The following SELP variants were observed in gnomAD, a reference collection of about 807,000 sequenced individuals.
The protein encoded by SELP is selectin P.
In SELP, 92 loss-of-function variants were observed where a neutral mutation model predicts 104.1. The ratio of observed to expected loss-of-function variants is 0.88; its 90% CI spans 0.75 to 1.05. SELP has a LOEUF of 1.05. Ranked by LOEUF, SELP falls within the 50% of genes least tolerant of loss-of-function variation. SELP has a pLI of 0.00. For synonymous variants in SELP, 397 were observed against 364.5 expected, an observed-to-expected ratio of 1.09 and a Z score of -1.01; for missense variants, 1,022 against 1,017.3, an observed-to-expected ratio of 1.00 and a Z score of -0.06.
chr1:169,608,843 T>G (rs1662336223), intron 8 of SELP, among the ~76,000 whole-genome samples: 1 of 152,034 alleles, frequency 6.6e-6, no homozygotes, highest in Non-Finnish European at 1.5e-5. Context: ...TGTGAGGTAC[T>G]CCTCGTAAAA....
Position 169,613,614 on chromosome 1 carries a change from A to G in SELP, c.561T>C (p.Pro187=), listed in dbSNP as rs754918215. ...ATTCACATTCTGGCCCATAGAATCC[A>G]GGGTAACAGGAGCAGGTGTAGTTCC... ...TIGNYTCSCY[P]GFYGPECEYV... Residue 187 remains proline, a synonymous_variant, in exon 4 of 17, where the codon CCT becomes CCC. Transcript: ENST00000263686. 2 of 1,613,978 alleles carry G rather than the reference A, an allele frequency of 1.2e-6. No homozygotes were observed. Among genetic ancestry groups the G allele is most frequent in the Non-Finnish European group, 1.7e-6 (2 of 1,179,852 alleles).
chr1:169,608,395 C>T lies in SELP; in HGVS notation c.1333+1109G>A, dbSNP rs187688449. On this transcript the variant is annotated intron_variant, in intron 8 of 16. Coordinates refer to ENST00000263686, the MANE Select transcript of SELP (RefSeq NM_003005.4). ...CTTCCGCCGAGCCCTTGGCAACCTC[C>T]GTTCTACTTTCTGTCTCTATGACTT... 5.3e-5 allele frequency among the ~76,000 whole-genome samples: 8 copies of T among 152,236 alleles called. No individual in the cohort carries two copies. In the East Asian group the frequency reaches 9.6e-4, roughly 18 times the overall value.
chr1:169,600,807 G>A (rs1262654685), intron 10 of SELP, among the ~76,000 whole-genome samples: 1 of 152,222 alleles, frequency 6.6e-6, no homozygotes, highest in Non-Finnish European at 1.5e-5. Context: ...TAAATTTGGA[G>A]AACGAAGAAG....
chr1:169,602,142 A>G (rs1338662519), intron 10 of SELP, among the ~76,000 whole-genome samples: 1 of 152,188 alleles, frequency 6.6e-6, no homozygotes, highest in South Asian at 2.1e-4. Flanking sequence ...TTACTGGTAA[A>G]TGATCACCTT....
At chr1:169,627,397 C>T (rs1196498154) in intron 1 of SELP, among the ~76,000 whole-genome samples, 1 of 152,092 alleles carries the variant, frequency 6.6e-6, no homozygotes, top group African/African-American at 2.4e-5. Flanking sequence ...TTTAGACTAC[C>T]AATTGCCATT....
intron 1 of SELP, among the ~76,000 whole-genome samples, chr1:169,624,781 G>T (rs1408837496): frequency 1.3e-5 from 2 of 152,046 alleles, no homozygotes; most frequent in African/African-American, 2.4e-5. Context: ...AATAATGATT[G>T]CAGGGTGAAG....
At chr1:169,616,997 C>T in intron 3 of SELP, 31 bp downstream of exon 3, 1 of 1,481,008 alleles carries the variant, frequency 6.8e-7, no homozygotes, top group Non-Finnish European at 9.0e-7. Flanking sequence ...TTTTTTTTAA[C>T]AGGAAAGTTT....
intron 7 of SELP, among the ~76,000 whole-genome samples, chr1:169,610,797 AACAAACAAAC>A (rs974186875): frequency 2.0e-5 from 3 of 152,020 alleles, no homozygotes; most frequent in Admixed American, 6.5e-5. Flanking sequence ...CAAACAAACA[AACAAACAAAC>A]AAACAAACAA....
chr1:169,625,584 A>G (rs1387043090), intron 1 of SELP, among the ~76,000 whole-genome samples: 3 of 152,256 alleles, frequency 2.0e-5, no homozygotes, highest in African/African-American at 4.8e-5. Flanking sequence ...GGCAAGGACT[A>G]TTACTTACTC....
Position 169,613,779 on chromosome 1 carries a change from C to G in SELP, c.482-86G>C, listed in dbSNP as rs910898836. 8.2e-6 allele frequency: 9 copies of G among 1,093,338 alleles called. No individual in the cohort carries two copies. The Admixed American group carries it at 1.3e-4, about 15-fold the overall frequency. The allele number at this position is 1,093,338 out of a possible 1,614,324, so 67.7% of individuals were successfully genotyped here. ...TCTCGTTTTGACCACAGACTCATCCCCTCTCAGATAGGACTGAGCTAGCCA... is the reference window on the plus strand; with the variant it reads ...TCTCGTTTTGACCACAGACTCATCCGCTCTCAGATAGGACTGAGCTAGCCA... On this transcript the variant is annotated intron_variant, in intron 3 of 16. Coordinates refer to ENST00000263686, the MANE Select transcript of SELP (RefSeq NM_003005.4).
intron 9 of SELP, 132 bp downstream of exon 9, chr1:169,606,817 T>G: frequency 1.3e-6 from 1 of 789,062 alleles, no homozygotes. Flanking sequence ...GACAAGAGGA[T>G]GAGTGAGAGT....
chr1:169,609,917 A>T (rs1273911759), intron 7 of SELP, among the ~76,000 whole-genome samples: 2 of 151,982 alleles, frequency 1.3e-5, no homozygotes, highest in Admixed American at 1.3e-4. Context: ...CCCTTTCCTT[A>T]GGAAGCCCTC....
chr1:169,597,152 G>T lies in SELP; in HGVS notation c.1730C>A (p.Ala577Asp), dbSNP rs559878383. 6.2e-7 allele frequency: 1 copy of T among 1,603,904 alleles called. No individual in the cohort carries two copies. The highest frequency in any genetic ancestry group is 8.5e-7 in the Non-Finnish European group (1 of 1,174,566). ...ACAATCCAGGCTGCCCTGCTCTGGGGCAAAGAGTTCTGGGCACTTGATGGC... is the reference window on the plus strand; with the variant it reads ...ACAATCCAGGCTGCCCTGCTCTGGGTCAAAGAGTTCTGGGCACTTGATGGC... ...CEAIKCPELF[A>D]PEQGSLDCSD... The change falls in exon 11 of 17, where the codon GCC (alanine) becomes GAC (aspartate). Residue 577 changes from alanine (A) to aspartate (D), a missense_variant. Physicochemically the swap from Ala to Asp is moderately radical, Grantham distance 126. Transcript: ENST00000263686.
chr1:169,617,591 C>G (rs1662886179), intron 2 of SELP, among the ~76,000 whole-genome samples, 177 bp from the exon 3 acceptor site: 1 of 152,158 alleles, frequency 6.6e-6, no homozygotes, highest in African/African-American at 2.4e-5. Context: ...TTCCACCTTT[C>G]ACTTAAAAGT....
chr1:169,592,865 G>T (rs753323475), intron 14 of SELP, among the ~76,000 whole-genome samples: 1 of 152,112 alleles, frequency 6.6e-6, no homozygotes, highest in Non-Finnish European at 1.5e-5. Flanking sequence ...TGATTCAGAT[G>T]CACTGAACTG....
chr1:169,597,075 C>T lies in SELP; in HGVS notation c.1807G>A (p.Asp603Asn), dbSNP rs6127. ...NVGSTCHFSC[D>N]NGFKLEGPNN... Reference sequence around the variant, plus strand: ...GGCCCCTCCAGCTTAAAGCCGTTGTCACAAGAGAAATGGCAGGTGGAGCCA... The same window carrying T: ...GGCCCCTCCAGCTTAAAGCCGTTGTTACAAGAGAAATGGCAGGTGGAGCCA... Residue 603 changes from aspartate (D) to asparagine (N), a missense_variant, in exon 11 of 17, where the codon GAC becomes AAC. By Grantham distance (23) the Asp-to-Asn change is conservative. Coordinates refer to ENST00000263686, the MANE Select transcript of SELP (RefSeq NM_003005.4). 954,531 of 1,608,272 alleles carry T rather than the reference C, an allele frequency of 0.59. 291,198 individuals are homozygous for T. The highest frequency in any genetic ancestry group is 0.96 in the East Asian group (42,912 of 44,868).
At chr1:169,604,271 A>G (rs1008650982) in intron 9 of SELP, among the ~76,000 whole-genome samples, 1 of 151,508 alleles carries the variant, frequency 6.6e-6, no homozygotes, top group Non-Finnish European at 1.5e-5. Context: ...GTCTGTTCAT[A>G]TCCTTTGCCC....
At chr1:169,601,716 G>A (rs1440809551) in intron 10 of SELP, among the ~76,000 whole-genome samples, 1 of 152,170 alleles carries the variant, frequency 6.6e-6, no homozygotes, top group Non-Finnish European at 1.5e-5. Context: ...GCCTGGGTTT[G>A]CATCCTGTCT....
intron 10 of SELP, among the ~76,000 whole-genome samples, chr1:169,601,373 G>A (rs1027796335): frequency 2.6e-5 from 4 of 152,164 alleles, no homozygotes; most frequent in Non-Finnish European, 1.5e-5. Context: ...TTGAGAAAAC[G>A]GGAGCCTAAG....
Sources: gnomAD v4.1 joint callset for allele counts (sites outside exome capture counted in the v4.1 genomes callset) on GRCh38, gnomAD v4.1.1 for gene constraint, MANE v1.5 for transcripts, NCBI Gene and HGNC (gene_info 2026-07-23, HGNC 2026-07-21) for gene names.